The following RNGTT variants were observed in gnomAD, a reference collection of about 807,000 sequenced individuals.
The protein encoded by RNGTT is RNA guanylyltransferase and 5'-phosphatase, also known as mRNA-capping enzyme.
Under a neutral mutation model 79.3 loss-of-function variants are expected in RNGTT, and 33 were observed. The observed-to-expected ratio is 0.42, with a 90% confidence interval of 0.32 to 0.56. The LOEUF (loss-of-function observed/expected upper bound fraction) is 0.56, where lower values mean the gene tolerates loss of function less well. Among genes scored for constraint, RNGTT ranks in the 20% least tolerant of loss-of-function variants. RNGTT has a pLI of 0.17. For synonymous variants in RNGTT, 222 were observed against 235.9 expected, an observed-to-expected ratio of 0.94 and a Z score of 0.54; for missense variants, 497 against 739.1, an observed-to-expected ratio of 0.67 and a Z score of 3.80.
chr6:88,858,978 A>T (rs568935746), intron 8 of RNGTT, among the ~76,000 whole-genome samples: 12 of 152,222 alleles, frequency 7.9e-5, no homozygotes, highest in Admixed American at 7.9e-4. Flanking sequence ...GTAACAGACA[A>T]ATAGGAATTA....
At chr6:88,866,159 C>T (rs1026495599) in intron 8 of RNGTT, among the ~76,000 whole-genome samples, 10 of 152,168 alleles carry the variant, frequency 6.6e-5, no homozygotes, top group African/African-American at 2.4e-4. Context: ...CTAAGGGCAA[C>T]ATGCATCTCA....
chr6:88,698,347 TATC>T (rs1232752932), intron 13 of RNGTT, among the ~76,000 whole-genome samples: 2 of 145,036 alleles, frequency 1.4e-5, no homozygotes, highest in Non-Finnish European at 3.0e-5. Context: ...GGTATTGAAT[TATC>T]ATTATTAGAA....
chr6:88,714,096 A>C (rs1376062170), intron 13 of RNGTT: 1 of 152,222 alleles, frequency 6.6e-6, no homozygotes, highest in Non-Finnish European at 1.5e-5. Context: ...CATCTATAAA[A>C]TGGAAATAAC....
At chr6:88,887,019 T>C (rs372142108) in intron 8 of RNGTT, among the ~76,000 whole-genome samples, 94 of 132,270 alleles carry the variant, frequency 7.1e-4, no homozygotes, top group African/African-American at 2.7e-3. Context: ...GAGACCATCC[T>C]GAGCAACATA....
chr6:88,870,455 A>T (rs1456251419), intron 8 of RNGTT, among the ~76,000 whole-genome samples: 1 of 151,798 alleles, frequency 6.6e-6, no homozygotes, highest in African/African-American at 2.4e-5. Flanking sequence ...TAAAAGAGCT[A>T]CATTCCAACA....
At chr6:88,749,969 T>G (rs962505838) in intron 13 of RNGTT, among the ~76,000 whole-genome samples, 1 of 152,166 alleles carries the variant, frequency 6.6e-6, no homozygotes, top group African/African-American at 2.4e-5. Flanking sequence ...CACTTCAGTC[T>G]CTGCCTCCAT....
Position 88,704,259 on chromosome 6 carries a change from C to CAAA in RNGTT, c.1440-25843_1440-25841dup, listed in dbSNP as rs35623392. ...TGGGTGACAGAGCGAGACTCTGTCT[C>CAAA]AAAAAAAAAAAAAAAAAAAAAAAAA... On this transcript the variant is annotated intron_variant, in intron 13 of 15. Coordinates refer to ENST00000369485, the MANE Select transcript of RNGTT (RefSeq NM_003800.5). 5.7e-3 allele frequency among the ~76,000 whole-genome samples: 277 copies of CAAA among 48,716 alleles called. 40 individuals carry two copies. Among genetic ancestry groups the CAAA allele is most frequent in the Admixed American group, 0.011 (39 of 3,630 alleles). The allele number at this position is 48,716 out of a possible 152,430, so 32.0% of individuals were successfully genotyped here. A position where few individuals can be genotyped will look rare whatever the true frequency, so the allele number is the denominator to read the frequency against.
chr6:88,809,071 T>C (rs773301350), intron 11 of RNGTT, among the ~76,000 whole-genome samples: 2 of 151,910 alleles, frequency 1.3e-5, no homozygotes, highest in Non-Finnish European at 2.9e-5. Flanking sequence ...TCAGGGCTAA[T>C]GGAAAAAAGC....
At chr6:88,704,057 AGACCATGCTGGCTAACGTGGT>A (rs113071347) in intron 13 of RNGTT, among the ~76,000 whole-genome samples, 2,040 of 152,148 alleles carry the variant, frequency 0.013, 41 homozygotes, top group African/African-American at 0.046. Context: ...CAGGAGATCA[AGACCATGCTGGCTAACGTGGT>A]GAAACTCCGA....
intron 14 of RNGTT, among the ~76,000 whole-genome samples, chr6:88,637,037 C>T (rs1773125310): frequency 6.6e-6 from 1 of 152,084 alleles, no homozygotes. Context: ...ACCTGAAGCA[C>T]AGTGCTCAGA....
intron 13 of RNGTT, among the ~76,000 whole-genome samples, chr6:88,681,950 G>A (rs1422117436): frequency 6.6e-6 from 1 of 152,098 alleles, no homozygotes; most frequent in Non-Finnish European, 1.5e-5. Flanking sequence ...GAAGTTAATA[G>A]GCAAGACTAA....
At chr6:88,798,600 T>C (rs1471015943) in intron 12 of RNGTT, among the ~76,000 whole-genome samples, 1 of 152,154 alleles carries the variant, frequency 6.6e-6, no homozygotes, top group African/African-American at 2.4e-5. Context: ...ATCCCAGGAA[T>C]GCAAGGATGG....
chr6:88,804,991 A>C (rs935238293), intron 11 of RNGTT, among the ~76,000 whole-genome samples: 1 of 152,248 alleles, frequency 6.6e-6, no homozygotes, highest in Non-Finnish European at 1.5e-5. Context: ...TGCTCTTTGA[A>C]GATACCTTTA....
At chr6:88,807,498 G>A (rs1354734215) in intron 11 of RNGTT, among the ~76,000 whole-genome samples, 11 of 152,056 alleles carry the variant, frequency 7.2e-5, no homozygotes, top group East Asian at 1.9e-4. Context: ...AGAAACGTAC[G>A]TGGCACTTTT....
At chr6:88,872,865 A>G (rs1200109048) in intron 8 of RNGTT, among the ~76,000 whole-genome samples, 1 of 152,150 alleles carries the variant, frequency 6.6e-6, no homozygotes, top group Non-Finnish European at 1.5e-5. Context: ...CAAAACCCCA[A>G]AGAAGATCCA....
At chr6:88,949,258 C>CT (rs1237749319) in intron 1 of RNGTT, among the ~76,000 whole-genome samples, 5,403 of 106,270 alleles carry the variant, frequency 0.051, 484 homozygotes, top group African/African-American at 0.12. Flanking sequence ...AATAATCAGT[C>CT]TTTTTTTTTT....
chr6:88,633,006 C>G (rs1772961349), intron 14 of RNGTT, among the ~76,000 whole-genome samples: 1 of 152,204 alleles, frequency 6.6e-6, no homozygotes, highest in Non-Finnish European at 1.5e-5. Context: ...TGTAGTCCTT[C>G]TGGTATAACA....
At chr6:88,637,528 G>A (rs1056187581) in intron 14 of RNGTT, among the ~76,000 whole-genome samples, 5 of 152,034 alleles carry the variant, frequency 3.3e-5, no homozygotes, top group Non-Finnish European at 7.4e-5. Context: ...TGTAACTCCT[G>A]AGCAGTGCCC....
At chr6:88,943,245 T>A (rs1300374788) in intron 1 of RNGTT, among the ~76,000 whole-genome samples, 1 of 152,214 alleles carries the variant, frequency 6.6e-6, no homozygotes, top group African/African-American at 2.4e-5. Context: ...TCTCAACTCT[T>A]AATACTCAAA....
Sources: allele counts gnomAD v4.1 joint callset (sites outside exome capture counted in the v4.1 genomes callset), GRCh38; gene constraint gnomAD v4.1.1; transcripts MANE v1.5; gene names NCBI Gene and HGNC (gene_info 2026-07-23, HGNC 2026-07-21).